Variants in ARL13B observed in about 807,000 individuals in gnomAD.
The protein encoded by ARL13B is ADP-ribosylation factor-like protein 13B.
A neutral mutation model predicts 56.1 loss-of-function variants in ARL13B; 36 were observed. The ratio of observed to expected loss-of-function variants is 0.64; its 90% CI spans 0.49 to 0.85. The LOEUF (loss-of-function observed/expected upper bound fraction) is 0.85. ARL13B is among the 40% of genes least tolerant of loss of function. The probability of loss-of-function intolerance (pLI) is 0.00; values close to 1 mark genes in which losing one functional copy is unlikely to be tolerated. For synonymous variants in ARL13B, 178 were observed against 171.1 expected, an observed-to-expected ratio of 1.04 and a Z score of -0.32; for missense variants, 519 against 507.1, an observed-to-expected ratio of 1.02 and a Z score of -0.23.
chr3:94,023,621 A>G (rs1250133565), intron 3 of ARL13B, among the ~76,000 whole-genome samples: 4 of 152,176 alleles, frequency 2.6e-5, no homozygotes, highest in African/African-American at 9.7e-5. Flanking sequence ...AATAAGGGGA[A>G]TTTTAAAGTG....
chr3:94,004,514 C>T (rs1219376417), intron 3 of ARL13B, among the ~76,000 whole-genome samples: 3 of 152,014 alleles, frequency 2.0e-5, no homozygotes, highest in Non-Finnish European at 4.4e-5. Context: ...GTGCTATAAC[C>T]GTGAGGCATA....
At chr3:93,998,459 T>C (rs559277157) in intron 2 of ARL13B, among the ~76,000 whole-genome samples, 1 of 152,314 alleles carries the variant, frequency 6.6e-6, no homozygotes, top group South Asian at 2.1e-4. Context: ...CTTCATCCCA[T>C]ATTTACTCTT....
chr3:94,040,081 CAG>C, intron 6 of ARL13B, 93 bp downstream of exon 6: 1 of 1,039,368 alleles, frequency 9.6e-7, no homozygotes, highest in Non-Finnish European at 1.5e-6. Context: ...GGCAGGGAAA[CAG>C]ATGTGTTTCT....
rs1409811120 is a variant in ARL13B, at chr3:94,035,431, C to T, written c.481C>T (p.Gln161Ter). 4 of 1,541,744 alleles carry T rather than the reference C, an allele frequency of 2.6e-6. No individual in the cohort carries two copies. The highest frequency in any genetic ancestry group is 2.7e-6 in the Non-Finnish European group (3 of 1,130,088). ...GGTCAATGAGCACAAGTGCCTGTGT[C>T]AGATAGTAAGGTTTTTTTTTTTTTT... ...KLVNEHKCLC[Q>*]IEPCSAISGY... The change falls in exon 4 of 10, where the codon CAG becomes TAG. Residue 161 changes from glutamine to a stop codon, truncating the protein, a stop_gained. Coordinates refer to ENST00000394222, the MANE Select transcript of ARL13B (RefSeq NM_001174150.2). LOFTEE classifies it high-confidence loss of function.
chr3:93,981,501 C>G (rs1710214768), intron 1 of ARL13B, among the ~76,000 whole-genome samples: 1 of 151,886 alleles, frequency 6.6e-6, no homozygotes, highest in Non-Finnish European at 1.5e-5. Context: ...AAAAAAGTAA[C>G]TTTAAATGAA....
rs2076773481 is a variant in ARL13B, at chr3:94,036,652, C to G, written c.587C>G (p.Ala196Gly). ...LLHVIARDFD[A>G]LNERIQKETT... Reference sequence around the variant, plus strand: ...CATGTTATTGCAAGAGACTTTGATGCCTTAAATGAACGCATCCAAAAAGAG... The same window carrying G: ...CATGTTATTGCAAGAGACTTTGATGGCTTAAATGAACGCATCCAAAAAGAG... The change falls in exon 5 of 10, where the codon GCC (alanine) becomes GGC (glycine). Residue 196 changes from alanine (A) to glycine (G), a missense_variant. Physicochemically the swap from Ala to Gly is moderately conservative, Grantham distance 60. Transcript: ENST00000394222. The G allele has an allele frequency of 1.1e-5, 17 of 1,613,790 alleles. No individual in the cohort carries two copies. The highest frequency in any genetic ancestry group is 1.4e-5 in the Non-Finnish European group (16 of 1,180,012).
intron 2 of ARL13B, among the ~76,000 whole-genome samples, chr3:94,003,161 A>G (rs1353973474): frequency 1.3e-5 from 2 of 152,142 alleles, no homozygotes; most frequent in East Asian, 1.9e-4. Flanking sequence ...ACGTCTCTTT[A>G]TTGTAAATAT....
intron 3 of ARL13B, chr3:94,014,922 A>C: frequency 6.2e-7 from 1 of 1,613,328 alleles, no homozygotes. Context: ...CTGACTTTTT[A>C]ACTTCTTTAA....
intron 3 of ARL13B, among the ~76,000 whole-genome samples, chr3:94,022,422 G>A (rs942709987): frequency 5.3e-5 from 8 of 151,972 alleles, no homozygotes; most frequent in Admixed American, 1.3e-4. Flanking sequence ...CACCGCACCC[G>A]GCTGCTTTTT....
At chr3:94,042,889 T>C in intron 6 of ARL13B, 126 bp from the exon 7 acceptor site, 5 of 725,606 alleles carry the variant, frequency 6.9e-6, no homozygotes, top group Non-Finnish European at 9.0e-6. Context: ...AAATCATTTT[T>C]AAAATAGAAG....
chr3:94,053,793 A>G lies in ARL13B; in HGVS notation c.*530A>G, dbSNP rs1394924866. The G allele has an allele frequency of 3.4e-6, 1 of 293,278 alleles. No individual in the cohort carries two copies. The allele number at this position is 293,278 out of a possible 1,614,324, so 18.2% of individuals were successfully genotyped here. On this transcript the variant is annotated 3_prime_UTR_variant, in exon 10 of 10. Transcript: ENST00000394222. ...TTTATAGATGATTTGTTTAAATTAT[A>G]TCTGGAAAATAGAGTTGATTTACTT...
At chr3:94,031,892 TG>T (rs1028083008) in intron 3 of ARL13B, among the ~76,000 whole-genome samples, 57 of 152,264 alleles carry the variant, frequency 3.7e-4, no homozygotes, top group Admixed American at 2.1e-3. Context: ...AGAATGAAAC[TG>T]GAACCCTGTC....
At chr3:94,050,937 C>T in intron 9 of ARL13B, 45 bp downstream of exon 9, 1 of 1,556,906 alleles carries the variant, frequency 6.4e-7, no homozygotes, top group South Asian at 1.1e-5. Context: ...GTACATGTCA[C>T]ATTCACTTTT....
chr3:94,007,023 G>T (rs1231517803), intron 3 of ARL13B, among the ~76,000 whole-genome samples: 1 of 152,134 alleles, frequency 6.6e-6, no homozygotes, highest in Non-Finnish European at 1.5e-5. Flanking sequence ...AGTGCCCACA[G>T]ACATCTGGAC....
At chr3:94,020,645 GA>G (rs1389782019) in intron 3 of ARL13B, among the ~76,000 whole-genome samples, 2 of 152,152 alleles carry the variant, frequency 1.3e-5, no homozygotes, top group African/African-American at 4.8e-5. Flanking sequence ...GTGTTTTATA[GA>G]TATTAAAAGT....
At chr3:94,035,300 G>A (rs1202335946) in intron 3 of ARL13B, 31 bp from the exon 4 acceptor site, 2 of 1,333,696 alleles carry the variant, frequency 1.5e-6, no homozygotes, top group Non-Finnish European at 2.1e-6. Flanking sequence ...TTATATATAT[G>A]CTGTATAAAA....
At chr3:94,014,791 T>C (rs778538138) in intron 3 of ARL13B, 2 of 1,613,924 alleles carry the variant, frequency 1.2e-6, no homozygotes, top group African/African-American at 1.3e-5. Context: ...CTTGCACTTC[T>C]CTTGCTTTGC....
In ARL13B at chr3:94,009,578, A is replaced by G. The variant is rs540269781; in HGVS notation, c.380+5670A>G. 4.6e-5 allele frequency among the ~76,000 whole-genome samples: 7 copies of G among 152,232 alleles called. No individual in the cohort carries two copies. The East Asian group carries it at 7.7e-4, about 17-fold the overall frequency. On this transcript the variant is annotated intron_variant, in intron 3 of 9. Coordinates refer to ENST00000394222, the MANE Select transcript of ARL13B (RefSeq NM_001174150.2). Reference sequence around the variant, plus strand: ...TTTAGAATGCTGGAGACCTATAGATATGGAATTACGGTCTGCCTATGTCAC... The same window carrying G: ...TTTAGAATGCTGGAGACCTATAGATGTGGAATTACGGTCTGCCTATGTCAC...
chr3:93,980,829 G>C (rs1489104911), intron 1 of ARL13B, among the ~76,000 whole-genome samples: 1 of 152,078 alleles, frequency 6.6e-6, no homozygotes, highest in Non-Finnish European at 1.5e-5. Context: ...TTTAAAAAGA[G>C]GGGGACATGG....
Sources: gnomAD v4.1 joint callset for allele counts (sites outside exome capture counted in the v4.1 genomes callset) on GRCh38, gnomAD v4.1.1 for gene constraint, MANE v1.5 for transcripts, NCBI Gene and HGNC (gene_info 2026-07-23, HGNC 2026-07-21) for gene names.